PEX7: variants seen among roughly 807,000 people sequenced by gnomAD.
PEX7 encodes PTS2 receptor.
Under a neutral mutation model 47.5 loss-of-function variants are expected in PEX7, and 34 were observed. The observed-to-expected ratio is 0.72, with a 90% CI of 0.54 to 0.95. The LOEUF (loss-of-function observed/expected upper bound fraction) is 0.95, where lower values mean the gene tolerates loss of function less well. Ranked by LOEUF, PEX7 falls within the 40% of genes least tolerant of loss-of-function variation. The pLI is 0.00. For synonymous variants in PEX7, 141 were observed against 148.8 expected (o/e 0.95, Z 0.38); for missense variants, 394 against 400.3 (o/e 0.98, Z 0.13).
chr6:136,849,633 G>C (rs1456340617), intron 5 of PEX7, among the ~76,000 whole-genome samples: 2 of 152,182 alleles, frequency 1.3e-5, no homozygotes, highest in Non-Finnish European at 2.9e-5. Flanking sequence ...TCAGGAGCGG[G>C]TTGTTCAGTG....
rs148340813 is a variant in PEX7, at chr6:136,887,886, T to C, written c.804-10256T>C. On this transcript the variant is annotated intron_variant, in intron 8 of 9. Transcript: ENST00000318471. ...TGTTAAGTGGGAAAATGATCTTTAATTGGATTGTAGTAAACTTAAAATCTT... is the reference window on the plus strand; with the variant it reads ...TGTTAAGTGGGAAAATGATCTTTAACTGGATTGTAGTAAACTTAAAATCTT... Among the ~76,000 whole-genome samples, 117 of 152,278 alleles carry C rather than the reference T, an allele frequency of 7.7e-4. 1 individual carries two copies. The highest frequency in any genetic ancestry group is 5.0e-3 in the South Asian group (24 of 4,830).
At chr6:136,908,758 A>G (rs181444931) in intron 9 of PEX7, among the ~76,000 whole-genome samples, 170 of 152,328 alleles carry the variant, frequency 1.1e-3, no homozygotes, top group African/African-American at 3.3e-3. Flanking sequence ...TCGTCAGAGG[A>G]GTTATAATGC....
chr6:136,913,603 C>A lies in PEX7; in HGVS notation c.*77C>A. 1 of 963,170 alleles carries A rather than the reference C, an allele frequency of 1.0e-6. No homozygotes were observed. The highest frequency in any genetic ancestry group is 1.7e-6 in the Non-Finnish European group (1 of 589,722). The allele number at this position is 963,170 out of a possible 1,614,324, so 59.7% of individuals were successfully genotyped here. ...CAGCAAATAAATTAACTATGGAAAA[C>A]ATAGACATTATGCTTTTATATGCTA... On this transcript the variant is annotated 3_prime_UTR_variant, in exon 10 of 10. Coordinates refer to ENST00000318471, the MANE Select transcript of PEX7 (RefSeq NM_000288.4).
chr6:136,864,417 T>A (rs1775022167), intron 5 of PEX7, among the ~76,000 whole-genome samples: 1 of 152,180 alleles, frequency 6.6e-6, no homozygotes, highest in African/African-American at 2.4e-5. Flanking sequence ...ACAAGGCAGT[T>A]ATTTTATTGT....
chr6:136,897,038 C>G (rs888148038), intron 8 of PEX7, among the ~76,000 whole-genome samples: 2 of 152,162 alleles, frequency 1.3e-5, no homozygotes, highest in African/African-American at 2.4e-5. Context: ...TCACTCTTCC[C>G]AAATATTTTG....
At chr6:136,828,950 T>C (rs1774245620) in intron 3 of PEX7, among the ~76,000 whole-genome samples, 1 of 152,252 alleles carries the variant, frequency 6.6e-6, no homozygotes, top group African/African-American at 2.4e-5. Context: ...TGTTTTTTAA[T>C]TTTTTAAATT....
At chr6:136,839,493 G>GT (rs913889862) in intron 3 of PEX7, among the ~76,000 whole-genome samples, 2 of 152,088 alleles carry the variant, frequency 1.3e-5, no homozygotes, top group Non-Finnish European at 2.9e-5. Flanking sequence ...TGTGCGGTGG[G>GT]TTTTTTTCTT....
chr6:136,843,755 C>T (rs1332464738), intron 3 of PEX7, among the ~76,000 whole-genome samples: 1 of 152,078 alleles, frequency 6.6e-6, no homozygotes, highest in Admixed American at 6.6e-5. Flanking sequence ...TTTTCACTGG[C>T]CCTTCTATTC....
chr6:136,912,678 A>G (rs368006919), intron 9 of PEX7, among the ~76,000 whole-genome samples: 1 of 152,256 alleles, frequency 6.6e-6, no homozygotes, highest in African/African-American at 2.4e-5. Flanking sequence ...TTTCATTTCA[A>G]GATTCTTTTG....
Position 136,891,817 on chromosome 6 carries a change from G to A in PEX7, c.804-6325G>A, listed in dbSNP as rs374972099. Among the ~76,000 whole-genome samples the A allele has an allele frequency of 1.7e-3, 255 of 152,184 alleles. 2 individuals carry two copies. The South Asian group carries it at 0.026, about 16-fold the overall frequency. ...CACCATCCATGCCTGGCTAATTTTT[G>A]TATTTTTGGTAGAGACAGGGTTTCA... On this transcript the variant is annotated intron_variant, in intron 8 of 9. Coordinates refer to ENST00000318471, the MANE Select transcript of PEX7 (RefSeq NM_000288.4).
intron 8 of PEX7, among the ~76,000 whole-genome samples, chr6:136,894,240 CA>C (rs1238738477): frequency 6.6e-6 from 1 of 151,956 alleles, no homozygotes; most frequent in African/African-American, 2.4e-5. Flanking sequence ...GGGCAGATCA[CA>C]AGGTCAGGAG....
chr6:136,905,011 T>G (rs948923392), intron 9 of PEX7, among the ~76,000 whole-genome samples: 1 of 152,194 alleles, frequency 6.6e-6, no homozygotes, highest in African/African-American at 2.4e-5. Flanking sequence ...TCAACTTACC[T>G]TTGAAGTCTT....
At chr6:136,886,670 G>C (rs1775472105) in intron 8 of PEX7, among the ~76,000 whole-genome samples, 1 of 152,188 alleles carries the variant, frequency 6.6e-6, no homozygotes, top group Non-Finnish European at 1.5e-5. Context: ...GGTGAAGTAG[G>C]AGAGTGAACC....
intron 3 of PEX7, among the ~76,000 whole-genome samples, chr6:136,827,247 A>G (rs1774210966): frequency 6.6e-6 from 1 of 152,232 alleles, no homozygotes; most frequent in African/African-American, 2.4e-5. Context: ...TGAGGGGTCC[A>G]GATGTTTTAT....
At chr6:136,855,536 C>A (rs1399006298) in intron 5 of PEX7, among the ~76,000 whole-genome samples, 1 of 152,112 alleles carries the variant, frequency 6.6e-6, no homozygotes, top group African/African-American at 2.4e-5. Context: ...GCCGGGCTTT[C>A]GCCTTGTTGG....
intron 3 of PEX7, among the ~76,000 whole-genome samples, chr6:136,832,628 C>A (rs950955006): frequency 2.0e-5 from 3 of 152,192 alleles, no homozygotes; most frequent in African/African-American, 4.8e-5. Flanking sequence ...CAAATAATCT[C>A]TTCATGAATG....
chr6:136,855,347 CTT>C (rs34297697), intron 5 of PEX7, among the ~76,000 whole-genome samples: 15 of 140,480 alleles, frequency 1.1e-4, no homozygotes, highest in Non-Finnish European at 9.3e-5. Context: ...TTTCTTCTTC[CTT>C]TTTTTTTTTT....
In PEX7 at chr6:136,822,759, C is replaced by G. The variant is rs886061118; in HGVS notation, c.94C>G (p.Leu32Val). The G allele has an allele frequency of 2.0e-6, 3 of 1,474,714 alleles. No homozygotes were observed. The highest frequency in any genetic ancestry group is 1.5e-5 in the African/African-American group (1 of 67,918). The allele number at this position is 1,474,714 out of a possible 1,614,324, so 91.4% of individuals were successfully genotyped here. The change falls in exon 1 of 10, where the codon CTG becomes GTG. Residue 32 changes from leucine (L) to valine (V), a missense_variant. Coordinates refer to ENST00000318471, the MANE Select transcript of PEX7 (RefSeq NM_000288.4). ...AEFSPYLPGR[L>V]ACATAQHYGI... Reference sequence around the variant, plus strand: ...GTTCTCCCCGTACCTGCCGGGCCGCCTGGCCTGCGCCACCGCGCAGCACTA... The same window carrying G: ...GTTCTCCCCGTACCTGCCGGGCCGCGTGGCCTGCGCCACCGCGCAGCACTA...
At chr6:136,839,672 G>A (rs1454925734) in intron 3 of PEX7, among the ~76,000 whole-genome samples, 4 of 152,154 alleles carry the variant, frequency 2.6e-5, no homozygotes, top group African/African-American at 9.7e-5. Context: ...GGGTGTGGAC[G>A]GGGAGGTTGG....
Sources: gnomAD v4.1 joint callset for allele counts (sites outside exome capture counted in the v4.1 genomes callset) on GRCh38, gnomAD v4.1.1 for gene constraint, MANE v1.5 for transcripts, NCBI Gene and HGNC (gene_info 2026-07-23, HGNC 2026-07-21) for gene names.